Variants in ELOVL7 observed in about 807,000 individuals in gnomAD.
ELOVL7 encodes very long chain fatty acid elongase 7.
Under a neutral mutation model 35.7 loss-of-function variants are expected in ELOVL7, and 27 were observed. The ratio of observed to expected loss-of-function variants is 0.76; its 90% CI spans 0.56 to 1.04. ELOVL7 has a LOEUF of 1.04. Ranked by LOEUF, ELOVL7 falls within the 50% of genes least tolerant of loss-of-function variation. The pLI, the probability that ELOVL7 is intolerant of heterozygous loss-of-function variation, is 0.00. For synonymous variants in ELOVL7, 113 were observed against 114.6 expected, an observed-to-expected ratio of 0.99 and a Z score of 0.09; for missense variants, 327 against 340.8, an observed-to-expected ratio of 0.96 and a Z score of 0.32.
At chr5:60,829,248 C>T (rs757742587) in intron 1 of ELOVL7, among the ~76,000 whole-genome samples, 2 of 151,972 alleles carry the variant, frequency 1.3e-5, no homozygotes, top group Non-Finnish European at 2.9e-5. Flanking sequence ...AAAACTTTAA[C>T]AACCTTTTTT....
intron 6 of ELOVL7, among the ~76,000 whole-genome samples, chr5:60,765,329 A>G (rs545178590): frequency 5.4e-4 from 83 of 152,302 alleles, no homozygotes; most frequent in Middle Eastern, 3.4e-3. Flanking sequence ...CTTGGCTTCA[A>G]TTTCTCAGAG....
intron 1 of ELOVL7, among the ~76,000 whole-genome samples, chr5:60,832,380 T>C (rs1177087118): frequency 2.0e-5 from 3 of 152,308 alleles, no homozygotes; most frequent in Admixed American, 2.0e-4. Flanking sequence ...TTTTTTTTTT[T>C]TTTGAGACGG....
chr5:60,766,036 AC>A (rs1742215007), intron 6 of ELOVL7, among the ~76,000 whole-genome samples: 1 of 152,170 alleles, frequency 6.6e-6, no homozygotes, highest in South Asian at 2.1e-4. Context: ...GGCGATCCTC[AC>A]TAGGATCTGA....
At chr5:60,818,339 A>T (rs1745659637) in intron 1 of ELOVL7, among the ~76,000 whole-genome samples, 1 of 151,506 alleles carries the variant, frequency 6.6e-6, no homozygotes, top group Admixed American at 6.6e-5. Context: ...AAAAAAAAAA[A>T]AAAAGTTATT....
chr5:60,817,846 G>T (rs1193335385), intron 1 of ELOVL7, among the ~76,000 whole-genome samples: 2 of 141,120 alleles, frequency 1.4e-5, no homozygotes, highest in African/African-American at 5.4e-5. Flanking sequence ...GTGTGTGTGT[G>T]TGTATATATA....
intron 1 of ELOVL7, among the ~76,000 whole-genome samples, chr5:60,822,135 G>C (rs905861456): frequency 6.6e-6 from 1 of 152,218 alleles, no homozygotes. Context: ...AGAAGGCTTT[G>C]TGAAAGATGT....
In ELOVL7 at chr5:60,753,170, C is replaced by T. The variant is rs1000384202; in HGVS notation, c.*1454G>A. On this transcript the variant is annotated 3_prime_UTR_variant, in exon 9 of 9. Transcript: ENST00000508821. ...CTTTAAGTACTAATTGTTTAAAGTC[C>T]TACAAACATAAACAGTGCTTCAAAA... The T allele has an allele frequency of 1.3e-5, 2 of 151,464 alleles. No individual in the cohort carries two copies. Among genetic ancestry groups the T allele is most frequent in the Non-Finnish European group, 2.9e-5 (2 of 67,894 alleles). 9.4% of individuals were successfully genotyped at this position (151,464 alleles called of 1,614,324 possible).
At chr5:60,824,918 C>G (rs1746083243) in intron 1 of ELOVL7, among the ~76,000 whole-genome samples, 1 of 152,078 alleles carries the variant, frequency 6.6e-6, no homozygotes, top group Middle Eastern at 3.2e-3. Context: ...GATCTGGGCC[C>G]TGACTACCTC....
rs77627317 is a variant in ELOVL7 at position 60,794,224 on chromosome 5, T to A, written c.-35+4956A>T. ...TGGTAACGAAGTGACTTAATTTGCC[T>A]CTTTAGACCCAAATTAAAGATGTCA... On this transcript the variant is annotated intron_variant, in intron 2 of 8. Transcript: ENST00000508821. Among the ~76,000 whole-genome samples, 836 of 152,360 alleles carry A rather than the reference T, an allele frequency of 5.5e-3. 12 individuals are homozygous for A. Among genetic ancestry groups the A allele is most frequent in the African/African-American group, 0.019 (808 of 41,586 alleles).
intron 1 of ELOVL7, among the ~76,000 whole-genome samples, chr5:60,839,447 A>T (rs1380811309): frequency 2.0e-5 from 3 of 152,260 alleles, no homozygotes; most frequent in African/African-American, 7.2e-5. Context: ...TTAGAAATCA[A>T]TTAGGAATAA....
chr5:60,762,533 A>AG (rs1406720032), intron 7 of ELOVL7, among the ~76,000 whole-genome samples: 2 of 152,124 alleles, frequency 1.3e-5, no homozygotes, highest in African/African-American at 4.8e-5. Flanking sequence ...ATAAAGAGGG[A>AG]GAAAAAAACC....
chr5:60,806,975 A>G (rs1235595005), intron 1 of ELOVL7, among the ~76,000 whole-genome samples: 1 of 152,212 alleles, frequency 6.6e-6, no homozygotes, highest in Non-Finnish European at 1.5e-5. Flanking sequence ...CTACATACAA[A>G]TGTTCTAAAT....
At chr5:60,756,349 A>C (rs1277702210) in intron 8 of ELOVL7, among the ~76,000 whole-genome samples, 4 of 152,186 alleles carry the variant, frequency 2.6e-5, no homozygotes, top group Non-Finnish European at 5.9e-5. Context: ...TAAAAATATC[A>C]GTGATTATCC....
intron 1 of ELOVL7, among the ~76,000 whole-genome samples, chr5:60,816,644 A>G (rs1022663804): frequency 6.6e-6 from 1 of 152,234 alleles, no homozygotes; most frequent in Non-Finnish European, 1.5e-5. Context: ...AAAATGTACA[A>G]TGATAATGCC....
chr5:60,759,357 T>C (rs904482309), intron 7 of ELOVL7, among the ~76,000 whole-genome samples: 20 of 152,192 alleles, frequency 1.3e-4, no homozygotes, highest in African/African-American at 4.8e-4. Context: ...CAAAGGAAAT[T>C]TGAATAAACA....
At chr5:60,778,348 C>G (rs746162890) in intron 3 of ELOVL7, among the ~76,000 whole-genome samples, 7 of 152,264 alleles carry the variant, frequency 4.6e-5, no homozygotes, top group South Asian at 2.1e-4. Context: ...AATACATGAA[C>G]ATCATTGTAT....
chr5:60,764,983 T>G (rs2112153298), intron 6 of ELOVL7, among the ~76,000 whole-genome samples: 1 of 152,130 alleles, frequency 6.6e-6, no homozygotes, highest in South Asian at 2.1e-4. Context: ...AGGGGGAAAT[T>G]TTCAAAAAAT....
chr5:60,812,729 T>A (rs1745305557), intron 1 of ELOVL7, among the ~76,000 whole-genome samples: 1 of 152,190 alleles, frequency 6.6e-6, no homozygotes, highest in Non-Finnish European at 1.5e-5. Context: ...TAAAGGCTTA[T>A]CCTAAGTTTT....
At chr5:60,804,889 C>A (rs1744839015) in intron 1 of ELOVL7, among the ~76,000 whole-genome samples, 1 of 152,160 alleles carries the variant, frequency 6.6e-6, no homozygotes, top group Admixed American at 6.5e-5. Context: ...AAGTGCTAAG[C>A]AAGACACAAT....
Sources: gnomAD v4.1 joint callset for allele counts (sites outside exome capture counted in the v4.1 genomes callset) on GRCh38, gnomAD v4.1.1 for gene constraint, MANE v1.5 for transcripts, NCBI Gene and HGNC (gene_info 2026-07-23, HGNC 2026-07-21) for gene names.